The following ANO5 variants were observed in gnomAD, a reference collection of about 807,000 sequenced individuals.
ANO5 encodes the protein anoctamin 5.
In ANO5, 109 loss-of-function variants were observed where a neutral mutation model predicts 121.0. That is an observed-to-expected ratio of 0.90 (90% CI 0.77 to 1.06). The LOEUF is 1.06. Among genes scored for constraint, ANO5 ranks in the 50% least tolerant of loss-of-function variants. The pLI, the probability that ANO5 is intolerant of heterozygous loss-of-function variation, is 0.00. For synonymous variants in ANO5, 406 were observed against 359.9 expected, an observed-to-expected ratio of 1.13 and a Z score of -1.45; for missense variants, 1,064 against 1,078.5, an observed-to-expected ratio of 0.99 and a Z score of 0.19.
At chr11:22,198,139 A>T (rs570993998) in intron 1 of ANO5, among the ~76,000 whole-genome samples, 2 of 152,146 alleles carry the variant, frequency 1.3e-5, no homozygotes, top group Non-Finnish European at 2.9e-5. Context: ...ATCCTCTTGA[A>T]TGTCCCGATG....
At chr11:22,236,875 C>T (rs1487514328) in intron 8 of ANO5, among the ~76,000 whole-genome samples, 1 of 152,114 alleles carries the variant, frequency 6.6e-6, no homozygotes, top group Non-Finnish European at 1.5e-5. Context: ...TTTTTGGGGG[C>T]TGGCAAATCA....
At chr11:22,228,674 C>A (rs935244089) in intron 7 of ANO5, among the ~76,000 whole-genome samples, 1 of 151,950 alleles carries the variant, frequency 6.6e-6, no homozygotes, top group Non-Finnish European at 1.5e-5. Context: ...CTGCTAATCA[C>A]TATTCTACCC....
intron 2 of ANO5, 122 bp from the exon 3 acceptor site, chr11:22,211,142 A>T: frequency 9.6e-7 from 1 of 1,046,368 alleles, no homozygotes; most frequent in South Asian, 1.3e-5. Context: ...ATATGATTTA[A>T]TGTGGTTCCA....
At position 22,256,310 on chromosome 11, in the gene ANO5, A is replaced by T. The variant is rs184419990; in HGVS notation, c.1332+788A>T. ...AGAGAATAATATGTGTCCTAAATACACTCTCTTCAATAGAATTCCCTATTC... is the reference window on the plus strand; with the variant it reads ...AGAGAATAATATGTGTCCTAAATACTCTCTCTTCAATAGAATTCCCTATTC... On this transcript the variant is annotated intron_variant, in intron 13 of 21. Coordinates refer to ENST00000324559, the MANE Select transcript of ANO5 (RefSeq NM_213599.3). Among the ~76,000 whole-genome samples, 110 of 152,178 alleles carry T rather than the reference A, an allele frequency of 7.2e-4. No homozygotes were observed. In the East Asian group the frequency reaches 0.017, roughly 23 times the overall value.
intron 9 of ANO5, among the ~76,000 whole-genome samples, chr11:22,244,888 A>G (rs1007841453): frequency 9.9e-5 from 15 of 151,998 alleles, no homozygotes; most frequent in African/African-American, 3.6e-4. Context: ...TGTTGTTACC[A>G]TCTAGTTAAG....
chr11:22,282,917 G>C lies in ANO5; in HGVS notation c.*3152G>C, dbSNP rs79486036. On this transcript the variant is annotated 3_prime_UTR_variant, in exon 22 of 22. Transcript: ENST00000324559. ...CTAAAGAATGTTATGAAGAAAAATA[G>C]CATTGCAAAAAGTACCATTGGCCAG... The C allele has an allele frequency of 1.3e-5, 2 of 152,072 alleles. No homozygotes were observed. Among genetic ancestry groups the C allele is most frequent in the Admixed American group, 6.6e-5 (1 of 15,254 alleles). 9.4% of individuals were successfully genotyped at this position (152,072 alleles called of 1,614,324 possible).
intron 17 of ANO5, among the ~76,000 whole-genome samples, chr11:22,268,816 G>C (rs995684303): frequency 2.6e-5 from 4 of 152,072 alleles, no homozygotes; most frequent in Admixed American, 2.6e-4. Flanking sequence ...AGGAGTTCAA[G>C]ACCAGCCTGG....
intron 1 of ANO5, among the ~76,000 whole-genome samples, chr11:22,199,488 T>A (rs1303455369): frequency 6.6e-6 from 1 of 152,152 alleles, no homozygotes; most frequent in African/African-American, 2.4e-5. Flanking sequence ...TATTTGTCAG[T>A]AGCCTGTAGC....
chr11:22,227,665 G>A (rs1590246749), intron 7 of ANO5, 79 bp downstream of exon 7: 2 of 1,538,568 alleles, frequency 1.3e-6, no homozygotes, highest in Admixed American at 1.7e-5. Context: ...ATGTGCAGAT[G>A]TCGTACCATT....
Position 22,259,565 on chromosome 11 carries a change from T to C in ANO5, c.1454T>C (p.Leu485Pro). The change falls in exon 15 of 22, where the codon CTG (leucine) becomes CCG (proline). Residue 485 changes from leucine to proline, a missense_variant. Physicochemically the swap from Leu to Pro is moderately conservative, Grantham distance 98 (BLOSUM62 -3). Transcript: ENST00000324559. ...TSMVAVIVYR[L>P]SVFATFASFM... ...ATGGTAGCTGTAATTGTGTACCGCC[T>C]GTCAGTCTTTGCTACATTTGCTAGT... 1 of 1,614,196 alleles carries C rather than the reference T, an allele frequency of 6.2e-7. No homozygotes were observed. The highest frequency in any genetic ancestry group is 1.1e-5 in the South Asian group (1 of 91,084).
intron 15 of ANO5, 148 bp from the exon 16 acceptor site, chr11:22,261,981 T>C: frequency 1.5e-6 from 1 of 685,706 alleles, no homozygotes; most frequent in Non-Finnish European, 2.5e-6. Context: ...AATCCATAGT[T>C]ACTTAATATT....
intron 17 of ANO5, among the ~76,000 whole-genome samples, chr11:22,265,409 G>A (rs1318600548): frequency 4.6e-5 from 7 of 152,054 alleles, no homozygotes; most frequent in Non-Finnish European, 1.0e-4. Flanking sequence ...GAAAAGACTA[G>A]GAGAGTTTGC....
intron 8 of ANO5, among the ~76,000 whole-genome samples, chr11:22,238,009 C>T (rs746534572): frequency 1.3e-5 from 2 of 152,054 alleles, no homozygotes; most frequent in Non-Finnish European, 2.9e-5. Flanking sequence ...ATCGTTGTTA[C>T]ACTGTATTGT....
chr11:22,238,313 A>T (rs1011531786), intron 8 of ANO5, among the ~76,000 whole-genome samples: 107 of 107,074 alleles, frequency 1.0e-3, no homozygotes, highest in African/African-American at 2.3e-3. Flanking sequence ...TGAGTTTTTT[A>T]AAATTAATTT....
chr11:22,197,349 C>CTTT (rs11308210), intron 1 of ANO5, among the ~76,000 whole-genome samples: 37 of 139,372 alleles, frequency 2.7e-4, no homozygotes, highest in African/African-American at 8.7e-4. Context: ...TGGAATTTAA[C>CTTT]TTTTTTTTTT....
chr11:22,257,649 G>T (rs376949082), intron 13 of ANO5, 31 bp from the exon 14 acceptor site: 15 of 1,555,642 alleles, frequency 9.6e-6, no homozygotes, highest in African/African-American at 2.7e-5. Context: ...GGGAGATTTT[G>T]AATTTCTTTG....
At chr11:22,236,038 G>T in intron 7 of ANO5, 125 bp from the exon 8 acceptor site, 1 of 700,628 alleles carries the variant, frequency 1.4e-6, no homozygotes, top group Non-Finnish European at 2.6e-6. Context: ...ACCAAGAGAA[G>T]CTTCTTTCTA....
chr11:22,260,822 C>T (rs943581249), intron 15 of ANO5, among the ~76,000 whole-genome samples: 2 of 152,148 alleles, frequency 1.3e-5, no homozygotes, highest in Admixed American at 1.3e-4. Context: ...TACTTTTCTA[C>T]ATTTTTGTGC....
At position 22,227,463 on chromosome 11, in the gene ANO5, C is replaced by A; in HGVS notation, c.525C>A (p.Leu175=). 1 of 1,613,538 alleles carries A rather than the reference C, an allele frequency of 6.2e-7. No individual in the cohort carries two copies. Residue 175 remains leucine (L), a synonymous_variant, in exon 7 of 22, where the codon CTC becomes CTA. Coordinates refer to ENST00000324559, the MANE Select transcript of ANO5 (RefSeq NM_213599.3). The stretch of plus-strand genomic sequence containing the variant: ...GCTATGTGCTTGGACCTGTAAGACT[C>A]CCACTGAGTGTGAAGTATCCCCATC... ...PISYVLGPVR[L]PLSVKYPHPE...
Sources: gnomAD v4.1 joint callset for allele counts (sites outside exome capture counted in the v4.1 genomes callset) on GRCh38, gnomAD v4.1.1 for gene constraint, MANE v1.5 for transcripts, NCBI Gene and HGNC (gene_info 2026-07-23, HGNC 2026-07-21) for gene names.